The following MYEF2 variants were observed in gnomAD, a reference collection of about 807,000 sequenced individuals.
The protein encoded by MYEF2 is myelin gene expression factor 2.
MYEF2 carries 37 observed loss-of-function variants against 75.2 expected under a neutral mutation model. The observed-to-expected ratio is 0.49, with a 90% CI of 0.38 to 0.65. The LOEUF (loss-of-function observed/expected upper bound fraction) is 0.65. Among genes scored for constraint, MYEF2 ranks in the 30% least tolerant of loss-of-function variants. The pLI, the probability that MYEF2 is intolerant of heterozygous loss-of-function variation, is 0.00. For missense variants in MYEF2, 634 were observed against 771.4 expected (o/e 0.82, Z 2.11); for synonymous variants, 195 against 241.6 (o/e 0.81, Z 1.79).
chr15:48,146,581 T>C (rs1364412241), intron 16 of MYEF2, among the ~76,000 whole-genome samples: 1 of 151,996 alleles, frequency 6.6e-6, no homozygotes, highest in Admixed American at 6.6e-5. Context: ...TCACTAGAGA[T>C]AATTTATAAG....
At chr15:48,146,213 C>A (rs915405268) in intron 16 of MYEF2, among the ~76,000 whole-genome samples, 1 of 151,858 alleles carries the variant, frequency 6.6e-6, no homozygotes, top group Non-Finnish European at 1.5e-5. Context: ...ACCCTATTAG[C>A]ACAAGCTGAA....
chr15:48,166,146 T>C lies in MYEF2; in HGVS notation c.424-18A>G, dbSNP rs2040125077. 6.4e-7 allele frequency: 1 copy of C among 1,556,570 alleles called. No homozygotes were observed. The highest frequency in any genetic ancestry group is 8.7e-7 in the Non-Finnish European group (1 of 1,142,922). On this transcript the variant is annotated intron_variant, in intron 3 of 16. Coordinates refer to ENST00000324324, the MANE Select transcript of MYEF2 (RefSeq NM_016132.5). ...CCACAACCCTATATCCAGGTAGATT[T>C]GTCAAAATATGCAAAAGAAAAAAAG...
intron 1 of MYEF2, among the ~76,000 whole-genome samples, chr15:48,173,367 T>A (rs901204440): frequency 1.3e-5 from 2 of 152,130 alleles, no homozygotes; most frequent in Non-Finnish European, 2.9e-5. Context: ...AGGTCATATA[T>A]GACAACCCCA....
intron 13 of MYEF2, 148 bp from the exon 14 acceptor site, chr15:48,151,319 G>A: frequency 2.0e-6 from 2 of 989,296 alleles, no homozygotes; most frequent in Non-Finnish European, 3.1e-6. Context: ...TGTTGAAAAA[G>A]AGAGCTAGCA....
intron 1 of MYEF2, among the ~76,000 whole-genome samples, chr15:48,171,680 A>G (rs2040347955): frequency 6.6e-6 from 1 of 152,152 alleles, no homozygotes; most frequent in Non-Finnish European, 1.5e-5. Flanking sequence ...TAAGAAACTG[A>G]GCCATAATTA....
intron 1 of MYEF2, 75 bp from the exon 2 acceptor site, chr15:48,168,914 G>C: frequency 8.7e-7 from 1 of 1,147,050 alleles, no homozygotes; most frequent in Non-Finnish European, 1.2e-6. Context: ...TATTAAATAA[G>C]TATTCCATAT....
chr15:48,176,862 C>T lies in MYEF2; in HGVS notation c.161+1215G>A, dbSNP rs117868055. On this transcript the variant is annotated intron_variant, in intron 1 of 16. Coordinates refer to ENST00000324324, the MANE Select transcript of MYEF2 (RefSeq NM_016132.5). ...ATCCAGGAATAAACTCCACTAAGTT[C>T]CAATCTCTTATACCTGCACCTCTAT... is the stretch of plus-strand genomic sequence containing the variant. Among the ~76,000 whole-genome samples, 1,066 of 152,292 alleles carry T rather than the reference C, an allele frequency of 7.0e-3. 8 individuals carry two copies. The highest frequency in any genetic ancestry group is 0.011 in the Admixed American group (165 of 15,294).
In MYEF2 at chr15:48,155,413, C is replaced by G. The variant is rs149813573; in HGVS notation, c.986-1520G>C. Among the ~76,000 whole-genome samples the G allele has an allele frequency of 5.5e-3, 835 of 152,112 alleles. 9 individuals carry two copies. The highest frequency in any genetic ancestry group is 0.019 in the African/African-American group (800 of 41,510). On this transcript the variant is annotated intron_variant, in intron 9 of 16. Coordinates refer to ENST00000324324, the MANE Select transcript of MYEF2 (RefSeq NM_016132.5). ...TTAAGTAAAAACAAGAAAAAGTAGACAAATCCACTATTCTATTGGGCAATT... is the reference window on the plus strand; with the variant it reads ...TTAAGTAAAAACAAGAAAAAGTAGAGAAATCCACTATTCTATTGGGCAATT...
In MYEF2 at chr15:48,158,229, T is replaced by C. The variant is rs2039779993; in HGVS notation, c.872-5A>G. 9 of 1,612,658 alleles carry C rather than the reference T, an allele frequency of 5.6e-6. No homozygotes were observed. The highest frequency in any genetic ancestry group is 7.6e-6 in the Non-Finnish European group (9 of 1,179,144). ...AAAACTGCCCATTGAACATAGCTGT[T>C]GGTTCAGTCAAGGAAAGTCAGTTAA... is the stretch of plus-strand genomic sequence containing the variant. On this transcript the variant is annotated splice_polypyrimidine_tract_variant and splice_region_variant and intron_variant, in intron 7 of 16. Coordinates refer to ENST00000324324, the MANE Select transcript of MYEF2 (RefSeq NM_016132.5).
At chr15:48,144,920 A>G (rs186162343) in intron 16 of MYEF2, among the ~76,000 whole-genome samples, 3 of 152,058 alleles carry the variant, frequency 2.0e-5, no homozygotes, top group Non-Finnish European at 2.9e-5. Flanking sequence ...TATCAGCAAT[A>G]GTAAAGTTCA....
At chr15:48,174,248 T>G (rs1396119886) in intron 1 of MYEF2, among the ~76,000 whole-genome samples, 1 of 152,036 alleles carries the variant, frequency 6.6e-6, no homozygotes, top group Non-Finnish European at 1.5e-5. Context: ...AAGGACAGTC[T>G]CTTCAAAAAA....
At chr15:48,147,066 C>A (rs532614803) in intron 16 of MYEF2, among the ~76,000 whole-genome samples, 1 of 151,070 alleles carries the variant, frequency 6.6e-6, no homozygotes, top group African/African-American at 2.4e-5. Context: ...TAATTATAAT[C>A]GAAAAAGGAT....
intron 1 of MYEF2, among the ~76,000 whole-genome samples, chr15:48,171,952 G>GA (rs1201778647): frequency 7.9e-5 from 12 of 152,190 alleles, no homozygotes; most frequent in Middle Eastern, 3.4e-3. Flanking sequence ...ATACATTTCT[G>GA]AAAAAAATCA....
At chr15:48,151,641 A>T in intron 12 of MYEF2, 70 bp from the exon 13 acceptor site, 1 of 1,417,732 alleles carries the variant, frequency 7.1e-7, no homozygotes, top group Non-Finnish European at 9.8e-7. Context: ...TCAGGAATGT[A>T]TCTAAATTAT....
Position 48,150,594 on chromosome 15 carries a change from A to G in MYEF2, c.1378+506T>C, listed in dbSNP as rs184054799. ...TTCAGCATTCCCCAGTGTTGCAACT[A>G]CTCTTGATGCTATTACGGGAAAGGT... On this transcript the variant is annotated intron_variant, in intron 14 of 16. Transcript: ENST00000324324. 4.0e-4 allele frequency among the ~76,000 whole-genome samples: 61 copies of G among 151,870 alleles called. No individual in the cohort carries two copies. In the East Asian group the frequency reaches 0.011, roughly 27 times the overall value.
In MYEF2 at chr15:48,158,047, A is replaced by G. The variant is rs1335100674; in HGVS notation, c.931T>C (p.Ser311Pro). The change falls in exon 9 of 17, where the codon TCT becomes CCT. Residue 311 changes from serine (S) to proline (P), a missense_variant. Coordinates refer to ENST00000324324, the MANE Select transcript of MYEF2 (RefSeq NM_016132.5). Reference protein sequence around the residue: ...RPMHVKMDDKSVPHEEYRSHD... With the variant: ...RPMHVKMDDKPVPHEEYRSHD... ...GAACGGTACTCTTCATGAGGAACAG[A>G]CTTGTCATCCTAATTGCAAGAAAGT... is the stretch of plus-strand genomic sequence containing the variant. 1 of 1,613,162 alleles carries G rather than the reference A, an allele frequency of 6.2e-7. No individual in the cohort carries two copies. The highest frequency in any genetic ancestry group is 8.5e-7 in the Non-Finnish European group (1 of 1,179,406).
intron 1 of MYEF2, among the ~76,000 whole-genome samples, chr15:48,176,605 G>C (rs2040529968): frequency 6.6e-6 from 1 of 152,154 alleles, no homozygotes; most frequent in African/African-American, 2.4e-5. Context: ...TCATACCCAA[G>C]TATAGGAGGG....
Position 48,149,242 on chromosome 15 carries a change from C to A in MYEF2, c.1508G>T (p.Arg503Leu), listed in dbSNP as rs748577153. ...TCCCATTGGACCCGATAAAAATCCT[C>A]GATCCATATCGATGCTCCTTTCCAG... ...AILERSIDMD[R>L]GFLSGPMGSG... The change falls in exon 15 of 17, where the codon CGA becomes CTA. Residue 503 changes from arginine (R) to leucine (L), a missense_variant. Physicochemically the swap from Arg to Leu is moderately radical, Grantham distance 102. Transcript: ENST00000324324. The surrounding 1 kb of genome is among the most constrained non-coding windows in gnomAD (Gnocchi z 4.0). 1 of 1,613,312 alleles carries A rather than the reference C, an allele frequency of 6.2e-7. No individual in the cohort carries two copies. The highest frequency in any genetic ancestry group is 1.1e-5 in the South Asian group (1 of 91,072).
rs773108359 is a variant in MYEF2, at chr15:48,151,581, T to C, written c.1208-10A>G. ...GCACCACGGTACAGCTCTGAAAAAA[T>C]TGTGCAACAAATTAACCTTTTCAAA... On this transcript the variant is annotated splice_polypyrimidine_tract_variant and intron_variant, in intron 12 of 16. Transcript: ENST00000324324. The C allele has an allele frequency of 6.9e-6, 11 of 1,596,440 alleles. No homozygotes were observed. The highest frequency in any genetic ancestry group is 3.6e-5 in the Admixed American group (2 of 55,444).
Sources: gnomAD v4.1 joint callset for allele counts (sites outside exome capture counted in the v4.1 genomes callset) on GRCh38, gnomAD v4.1.1 for gene constraint, Gnocchi (gnomAD v3.1) non-coding constraint, MANE v1.5 for transcripts, NCBI Gene and HGNC (gene_info 2026-07-23, HGNC 2026-07-21) for gene names.